The following NFATC3 variants were observed in gnomAD, a reference collection of about 807,000 sequenced individuals.
NFATC3 encodes the protein nuclear factor of activated T cells 3.
A neutral mutation model predicts 98.6 loss-of-function variants in NFATC3; 46 were observed. The ratio of observed to expected loss-of-function variants is 0.47; its 90% CI spans 0.37 to 0.60. The LOEUF is 0.60. NFATC3 is among the 20% of genes least tolerant of loss of function. The pLI is 0.00. For missense variants in NFATC3, 1,256 were observed against 1,295.5 expected (o/e 0.97, Z 0.47); for synonymous variants, 512 against 472.2 (o/e 1.08, Z -1.09).
chr16:68,122,090 T>A lies in NFATC3; in HGVS notation c.207T>A (p.Ser69=). 6.2e-7 allele frequency: 1 copy of A among 1,614,120 alleles called. No homozygotes were observed. Among genetic ancestry groups the A allele is most frequent in the Non-Finnish European group, 8.5e-7 (1 of 1,180,028 alleles). ...PLCLPHHGLP[S]HSSVLSPSFQ... The stretch of plus-strand genomic sequence containing the variant: ...GCTTACCACATCATGGATTACCGTC[T>A]CACTCTTCTGTTTTGTCACCATCGT... Residue 69 remains serine (S), a synonymous_variant, in exon 2 of 10, where the codon TCT becomes TCA. Coordinates refer to ENST00000346183, the MANE Select transcript of NFATC3 (RefSeq NM_173165.3).
chr16:68,088,604 G>T (rs1374569011), intron 1 of NFATC3: 1 of 151,080 alleles, frequency 6.6e-6, no homozygotes, highest in Admixed American at 6.7e-5. Context: ...CGTGATTTCA[G>T]CTTACTGCAG....
At chr16:68,144,243 C>A (rs965436434) in intron 3 of NFATC3, among the ~76,000 whole-genome samples, 2 of 152,146 alleles carry the variant, frequency 1.3e-5, no homozygotes, top group South Asian at 4.1e-4. Context: ...GTTATCATTA[C>A]ATACCTATTA....
rs114035988 is a variant in NFATC3 at position 68,104,996 on chromosome 16, C to T, written c.104-16991C>T. On this transcript the variant is annotated intron_variant, in intron 1 of 9. Coordinates refer to ENST00000346183, the MANE Select transcript of NFATC3 (RefSeq NM_173165.3). ...CATGTTAAGGAAGTTTACTTCTATT[C>T]CTAGTTTGCTGAGGTTTTTGTTTGT... 8.0e-3 allele frequency among the ~76,000 whole-genome samples: 1,209 copies of T among 151,906 alleles called. 16 individuals are homozygous for T. Among genetic ancestry groups the T allele is most frequent in the African/African-American group, 0.027 (1,136 of 41,404 alleles).
intron 1 of NFATC3, among the ~76,000 whole-genome samples, chr16:68,105,839 C>T (rs1228335522): frequency 6.6e-6 from 1 of 152,050 alleles, no homozygotes; most frequent in Non-Finnish European, 1.5e-5. Flanking sequence ...CTCATTCCTT[C>T]TAGATTGTCT....
At chr16:68,125,634 T>C (rs1032771157) in intron 2 of NFATC3, among the ~76,000 whole-genome samples, 5 of 152,144 alleles carry the variant, frequency 3.3e-5, no homozygotes, top group African/African-American at 1.2e-4. Context: ...TCCAGAGATA[T>C]GTACCAGGGA....
intron 3 of NFATC3, among the ~76,000 whole-genome samples, chr16:68,148,988 T>G (rs2038179686): frequency 6.6e-6 from 1 of 151,986 alleles, no homozygotes; most frequent in African/African-American, 2.4e-5. Context: ...ACAGCGAGAC[T>G]CCATCTTAAA....
chr16:68,118,884 T>G (rs986464579), intron 1 of NFATC3, among the ~76,000 whole-genome samples: 7 of 152,194 alleles, frequency 4.6e-5, no homozygotes, highest in African/African-American at 1.4e-4. Context: ...TGTTGTTGTT[T>G]TTTGAGACAG....
chr16:68,093,848 TA>T (rs2034862302), intron 1 of NFATC3, among the ~76,000 whole-genome samples: 1 of 152,220 alleles, frequency 6.6e-6, no homozygotes. Flanking sequence ...AGAAAGAGTT[TA>T]AGTACAGAAA....
At chr16:68,131,726 ATTCGTC>A (rs1305568799) in intron 3 of NFATC3, among the ~76,000 whole-genome samples, 1 of 151,090 alleles carries the variant, frequency 6.6e-6, no homozygotes, top group African/African-American at 2.4e-5. Flanking sequence ...GGAGTCAAGC[ATTCGTC>A]TTGCCTCAGT....
At chr16:68,225,211 C>G (rs1010374015) in intron 9 of NFATC3, 1 of 152,182 alleles carries the variant, frequency 6.6e-6, no homozygotes, top group Non-Finnish European at 1.5e-5. Flanking sequence ...CTCAGCCTCC[C>G]AAAATGCTGA....
intron 3 of NFATC3, among the ~76,000 whole-genome samples, chr16:68,150,025 G>A (rs1322904788): frequency 1.3e-5 from 2 of 152,074 alleles, no homozygotes; most frequent in African/African-American, 4.8e-5. Flanking sequence ...CTTTGAGAAG[G>A]GTAGTTGGAA....
rs1004994350 is a variant in NFATC3 at position 68,228,085 on chromosome 16, T to G, written c.*1614T>G. On this transcript the variant is annotated 3_prime_UTR_variant, in exon 10 of 10. Coordinates refer to ENST00000346183, the MANE Select transcript of NFATC3 (RefSeq NM_173165.3). ...GAGCTGGCCTATTGCCCACCACCTG[T>G]TGTCAGTAGGTTAGGAGCTGTTGAC... is the stretch of plus-strand genomic sequence containing the variant. The G allele has an allele frequency of 2.0e-5, 3 of 152,190 alleles. No individual in the cohort carries two copies. The highest frequency in any genetic ancestry group is 4.8e-5 in the African/African-American group (2 of 41,442). The allele number at this position is 152,190 out of a possible 1,614,324, so 9.4% of individuals were successfully genotyped here.
chr16:68,158,127 A>C, intron 4 of NFATC3, 59 bp downstream of exon 4: 1 of 1,061,204 alleles, frequency 9.4e-7, no homozygotes. Flanking sequence ...TTCAGAAAAA[A>C]AGTAAATATA....
chr16:68,116,085 A>G (rs997357316), intron 1 of NFATC3, among the ~76,000 whole-genome samples: 1 of 152,142 alleles, frequency 6.6e-6, no homozygotes, highest in African/African-American at 2.4e-5. Flanking sequence ...CCCTTGTGTG[A>G]AAATAACCAT....
At chr16:68,114,581 T>C (rs887634108) in intron 1 of NFATC3, among the ~76,000 whole-genome samples, 5 of 151,520 alleles carry the variant, frequency 3.3e-5, no homozygotes, top group Admixed American at 3.3e-4. Context: ...AAGCACTTTT[T>C]TTTTTTTTTT....
intron 9 of NFATC3, among the ~76,000 whole-genome samples, chr16:68,222,289 CAAAAAAAAAAAAAAAAAAAAAAAAA>C (rs58981935): frequency 7.6e-5 from 2 of 26,404 alleles, no homozygotes; most frequent in South Asian, 4.2e-3. Context: ...ACCCCATTGC[CAAAAAAAAAAAAAAAAAAAAAAAAA>C]AAAAAAAAAA....
intron 2 of NFATC3, among the ~76,000 whole-genome samples, chr16:68,125,800 C>T (rs1261222343): frequency 2.0e-5 from 3 of 151,972 alleles, no homozygotes; most frequent in Non-Finnish European, 4.4e-5. Flanking sequence ...GAAAAATTTA[C>T]AGTTTTATAA....
intron 4 of NFATC3, among the ~76,000 whole-genome samples, chr16:68,164,520 ATT>A (rs2039095171): frequency 6.6e-6 from 1 of 152,194 alleles, no homozygotes; most frequent in African/African-American, 2.4e-5. Context: ...GCCAGTATTT[ATT>A]GCCTTAGCTC....
At chr16:68,190,588 T>G (rs947479759) in intron 8 of NFATC3, among the ~76,000 whole-genome samples, 180 bp from the exon 9 acceptor site, 1 of 152,224 alleles carries the variant, frequency 6.6e-6, no homozygotes, top group Non-Finnish European at 1.5e-5. Flanking sequence ...TGTATGTGTA[T>G]ACATATATAT....
Sources: allele counts gnomAD v4.1 joint callset (sites outside exome capture counted in the v4.1 genomes callset), GRCh38; gene constraint gnomAD v4.1.1; transcripts MANE v1.5; gene names NCBI Gene and HGNC (gene_info 2026-07-23, HGNC 2026-07-21).